Variants in DGCR2 observed in about 807,000 individuals in gnomAD.
The protein encoded by DGCR2 is DiGeorge syndrome critical region gene 2.
Under a neutral mutation model 51.6 loss-of-function variants are expected in DGCR2, and 24 were observed. That is an observed-to-expected ratio of 0.47 (90% confidence interval 0.34 to 0.65). DGCR2 has a LOEUF of 0.65. DGCR2 is among the 30% of genes least tolerant of loss of function. The pLI, the probability that DGCR2 is intolerant of heterozygous loss-of-function variation, is 0.01. For synonymous variants in DGCR2, 340 were observed against 315.4 expected (o/e 1.08, Z -0.82); for missense variants, 765 against 772.1 (o/e 0.99, Z 0.11).
rs1358686485 is a variant in DGCR2, at chr22:19,083,956, G to C, written c.202+5412C>G. Among the ~76,000 whole-genome samples the C allele has an allele frequency of 3.6e-4, 55 of 152,172 alleles. 1 individual carries two copies. The highest frequency in any genetic ancestry group is 1.5e-5 in the Non-Finnish European group (1 of 68,038). ...GGGCTAGTCTCCAGCTCCTAACCTTGAGTGATCCGCCAGCCTCGGCCTCCC... is the reference window on the plus strand; with the variant it reads ...GGGCTAGTCTCCAGCTCCTAACCTTCAGTGATCCGCCAGCCTCGGCCTCCC... On this transcript the variant is annotated intron_variant, in intron 2 of 9. Transcript: ENST00000263196.
At position 19,068,016 on chromosome 22, in the gene DGCR2, C is replaced by T. The variant is rs536310485; in HGVS notation, c.328+84G>A. 51 of 1,436,710 alleles carry T rather than the reference C, an allele frequency of 3.5e-5. No homozygotes were observed. The Admixed American group carries it at 5.8e-4, about 16-fold the overall frequency. 89.0% of individuals were successfully genotyped at this position (1,436,710 alleles called of 1,614,324 possible). A position where few individuals can be genotyped will look rare whatever the true frequency, so the allele number is the denominator to read the frequency against. Reference sequence around the variant, plus strand: ...AAGGGCTGCTTTGAGAAACCCCTCACGCAGCACAGTAGTGCTGGAAAGGCA... The same window carrying T: ...AAGGGCTGCTTTGAGAAACCCCTCATGCAGCACAGTAGTGCTGGAAAGGCA... On this transcript the variant is annotated intron_variant, in intron 3 of 9. Coordinates refer to ENST00000263196, the MANE Select transcript of DGCR2 (RefSeq NM_005137.3).
chr22:19,111,107 G>C (rs1325094197), intron 1 of DGCR2, among the ~76,000 whole-genome samples: 1 of 152,080 alleles, frequency 6.6e-6, no homozygotes, highest in African/African-American at 2.4e-5. Flanking sequence ...AACCCACAAA[G>C]TCCGTCCATA....
chr22:19,062,776 C>CA, intron 5 of DGCR2, among the ~76,000 whole-genome samples: 1 of 123,202 alleles, frequency 8.1e-6, no homozygotes, highest in Non-Finnish European at 1.7e-5. Context: ...CACATGCATG[C>CA]TCACTCTCTC....
chr22:19,062,921 C>A (rs916316273), intron 5 of DGCR2, among the ~76,000 whole-genome samples: 3 of 152,042 alleles, frequency 2.0e-5, no homozygotes, highest in African/African-American at 7.2e-5. Flanking sequence ...TTTTTATACT[C>A]CAAGGTCTTT....
At chr22:19,045,497 TA>T (rs1373546926) in intron 7 of DGCR2, 1 of 152,262 alleles carries the variant, frequency 6.6e-6, no homozygotes, top group Non-Finnish European at 1.5e-5. Context: ...GGCTGTACAG[TA>T]ACTCATACAT....
chr22:19,104,063 C>T (rs2083235937), intron 1 of DGCR2, among the ~76,000 whole-genome samples: 1 of 152,110 alleles, frequency 6.6e-6, no homozygotes, highest in African/African-American at 2.4e-5. Context: ...CCCAAGCATA[C>T]ATCCCATTAG....
chr22:19,056,398 C>T (rs889815382), intron 6 of DGCR2: 2 of 447,644 alleles, frequency 4.5e-6, no homozygotes, highest in Non-Finnish European at 8.1e-6. Flanking sequence ...TCCGCAAGAA[C>T]AAAGCCTCTC....
At chr22:19,116,577 A>T (rs1419008691) in intron 1 of DGCR2, among the ~76,000 whole-genome samples, 1 of 152,228 alleles carries the variant, frequency 6.6e-6, no homozygotes, top group Admixed American at 6.5e-5. Context: ...GAAAGGAAAG[A>T]GGACGGTCAT....
Position 19,122,144 on chromosome 22 carries a change from G to T in DGCR2, c.63C>A (p.Thr21=). ...GCGGCGCACCTGGCCGCAGCGGCTC[G>T]GTGACAGTGAGCACGAGCAGGAAGA... ...LLLFLLVLTV[T]EPLRPELRCN... The change falls in exon 1 of 10, where the codon ACC becomes ACA. Residue 21 remains threonine, a synonymous_variant. Transcript: ENST00000263196. 1.3e-6 allele frequency: 2 copies of T among 1,500,906 alleles called. No individual in the cohort carries two copies. The highest frequency in any genetic ancestry group is 1.8e-6 in the Non-Finnish European group (2 of 1,124,598). 93.0% of individuals were successfully genotyped at this position (1,500,906 alleles called of 1,614,324 possible). A position where few individuals can be genotyped will look rare whatever the true frequency, so the allele number is the denominator to read the frequency against.
At position 19,038,737 on chromosome 22, in the gene DGCR2, G is replaced by A; in HGVS notation, c.*128C>T. On this transcript the variant is annotated 3_prime_UTR_variant, in exon 10 of 10. Coordinates refer to ENST00000263196, the MANE Select transcript of DGCR2 (RefSeq NM_005137.3). ...CTGTGGTCTCTATGTACACACGCGA[G>A]CCCGCCAGTGACGTGCGGCAGTGCG... 2.3e-6 allele frequency: 3 copies of A among 1,313,638 alleles called. No individual in the cohort carries two copies. The highest frequency in any genetic ancestry group is 3.2e-6 in the Non-Finnish European group (3 of 951,204). 81.4% of individuals were successfully genotyped at this position (1,313,638 alleles called of 1,614,324 possible). A position where few individuals can be genotyped will look rare whatever the true frequency, so the allele number is the denominator to read the frequency against.
chr22:19,042,087 C>A (rs1276889950), intron 7 of DGCR2, 128 bp from the exon 8 acceptor site: 37 of 1,115,464 alleles, frequency 3.3e-5, no homozygotes, highest in Non-Finnish European at 3.6e-5. Context: ...CTGCACCCAA[C>A]CATCTTTAGG....
Position 19,049,125 on chromosome 22 carries a change from A to C in DGCR2, c.803-482T>G, listed in dbSNP as rs183181208. 9.7e-4 allele frequency among the ~76,000 whole-genome samples: 148 copies of C among 152,382 alleles called. 1 individual carries two copies. The highest frequency in any genetic ancestry group is 3.4e-3 in the African/African-American group (142 of 41,594). ...TGCCAGACTCCAGGGTCACTGCAGAAGTGTTTGCCTGGAAGTTGCTGAAGT... is the reference window on the plus strand; with the variant it reads ...TGCCAGACTCCAGGGTCACTGCAGACGTGTTTGCCTGGAAGTTGCTGAAGT... On this transcript the variant is annotated intron_variant, in intron 6 of 9. Transcript: ENST00000263196.
At chr22:19,087,993 T>C (rs979942545) in intron 2 of DGCR2, among the ~76,000 whole-genome samples, 1 of 152,174 alleles carries the variant, frequency 6.6e-6, no homozygotes, top group Non-Finnish European at 1.5e-5. Context: ...CTAAACAGCA[T>C]TCTTTACAGG....
intron 6 of DGCR2, chr22:19,055,932 G>C (rs1255062302): frequency 1.3e-5 from 2 of 157,026 alleles, no homozygotes; most frequent in African/African-American, 4.8e-5. Flanking sequence ...ATTCACTGCA[G>C]GACTGTGGGT....
rs1380351915 is a variant in DGCR2 at position 19,112,878 on chromosome 22, A to C, written c.79+9250T>G. ...GAGCTAAAAAAAATTAAATTAAATT[A>C]AATTCTACTTAATAGGTCTGCTGTT... On this transcript the variant is annotated intron_variant, in intron 1 of 9. Coordinates refer to ENST00000263196, the MANE Select transcript of DGCR2 (RefSeq NM_005137.3). Among the ~76,000 whole-genome samples the C allele has an allele frequency of 4.2e-5, 6 of 144,480 alleles. 1 individual carries two copies. The highest frequency in any genetic ancestry group is 1.0e-4 in the African/African-American group (4 of 39,376). 94.8% of individuals were successfully genotyped at this position (144,480 alleles called of 152,430 possible). A position where few individuals can be genotyped will look rare whatever the true frequency, so the allele number is the denominator to read the frequency against.
At chr22:19,121,987 G>C (rs1204459927) in intron 1 of DGCR2, 141 bp downstream of exon 1, 1 of 418,246 alleles carries the variant, frequency 2.4e-6, no homozygotes, top group Non-Finnish European at 3.7e-6. Context: ...AGAGTGCCAG[G>C]CGGCCCGCGA....
intron 2 of DGCR2, among the ~76,000 whole-genome samples, chr22:19,073,677 GA>G (rs1264388569): frequency 6.6e-6 from 1 of 152,168 alleles, no homozygotes; most frequent in Non-Finnish European, 1.5e-5. Context: ...AAAATTATGG[GA>G]AAAACTTATT....
Position 19,041,101 on chromosome 22 carries a change from G to A in DGCR2, c.1353C>T (p.Tyr451=), listed in dbSNP as rs370600397. ...IGQPDDPPPP[Y]EASIHPDSVF... is the part of the protein sequence containing the mutation. ...CACTGTCCGGGTGGATGGAGGCCTC[G>A]TAGGGCGGCGGAGGGTCGTCGGGCT... is the stretch of plus-strand genomic sequence containing the variant. Residue 451 remains tyrosine (Y), a synonymous_variant, in exon 9 of 10, where the codon TAC becomes TAT. Transcript: ENST00000263196. 34 of 1,612,742 alleles carry A rather than the reference G, an allele frequency of 2.1e-5. No homozygotes were observed. The highest frequency in any genetic ancestry group is 1.6e-4 in the Middle Eastern group (1 of 6,080).
At chr22:19,120,379 G>C (rs2083419708) in intron 1 of DGCR2, among the ~76,000 whole-genome samples, 1 of 152,148 alleles carries the variant, frequency 6.6e-6, no homozygotes. Context: ...CCACACTCCA[G>C]GGTATTCAAC....
Sources: gnomAD v4.1 joint callset for allele counts (sites outside exome capture counted in the v4.1 genomes callset) on GRCh38, gnomAD v4.1.1 for gene constraint, MANE v1.5 for transcripts, NCBI Gene and HGNC (gene_info 2026-07-23, HGNC 2026-07-21) for gene names.